The following MDGA2 variants were observed in gnomAD, a reference collection of about 807,000 sequenced individuals.
MDGA2 encodes the protein MAM domain-containing glycosylphosphatidylinositol anchor protein 2.
A neutral mutation model predicts 117.8 loss-of-function variants in MDGA2; 40 were observed. That is an observed-to-expected ratio of 0.34 (90% confidence interval 0.26 to 0.44). The LOEUF (loss-of-function observed/expected upper bound fraction) is 0.44. Ranked by LOEUF, MDGA2 falls within the 20% of genes least tolerant of loss-of-function variation. The probability of loss-of-function intolerance (pLI) is 1.00; values close to 1 mark genes in which losing one functional copy is unlikely to be tolerated. For synonymous variants in MDGA2, 452 were observed against 439.0 expected (o/e 1.03, Z -0.37); for missense variants, 1,123 against 1,250.6 (o/e 0.90, Z 1.54).
intron 1 of MDGA2, among the ~76,000 whole-genome samples, chr14:47,420,601 CAT>C (rs1892558545): frequency 6.6e-6 from 1 of 152,064 alleles, no homozygotes; most frequent in African/African-American, 2.4e-5. Flanking sequence ...AAAATGGACA[CAT>C]GTGGCCAGAT....
At chr14:47,592,177 C>G (rs1396377499) in intron 1 of MDGA2, among the ~76,000 whole-genome samples, 2 of 152,010 alleles carry the variant, frequency 1.3e-5, no homozygotes, top group African/African-American at 2.4e-5. Context: ...AGGAATACAA[C>G]AAACAATGGA....
chr14:47,172,093 G>A (rs904005118), intron 3 of MDGA2, among the ~76,000 whole-genome samples: 1 of 152,158 alleles, frequency 6.6e-6, no homozygotes, highest in East Asian at 1.9e-4. Flanking sequence ...AAGGCTGGGG[G>A]AGGGGCACCC....
At chr14:47,601,786 G>A (rs1315699504) in intron 1 of MDGA2, among the ~76,000 whole-genome samples, 1 of 152,128 alleles carries the variant, frequency 6.6e-6, no homozygotes, top group African/African-American at 2.4e-5. Context: ...GTTTAGATCT[G>A]TTAGCCCAGT....
At chr14:46,967,038 T>G (rs12431795) in intron 8 of MDGA2, among the ~76,000 whole-genome samples, 17,823 of 151,832 alleles carry the variant, frequency 0.12, 2,021 homozygotes, top group African/African-American at 0.27. Flanking sequence ...GCAAAGCAAT[T>G]TTTTTAATTT....
intron 1 of MDGA2, among the ~76,000 whole-genome samples, chr14:47,600,774 T>C (rs1005528362): frequency 4.6e-5 from 7 of 151,120 alleles, no homozygotes; most frequent in Admixed American, 2.0e-4. Context: ...TATCAATCCA[T>C]CCCTACTGCC....
At chr14:47,216,065 A>G (rs1391381067) in intron 3 of MDGA2, among the ~76,000 whole-genome samples, 1 of 152,146 alleles carries the variant, frequency 6.6e-6, no homozygotes, top group South Asian at 2.1e-4. Flanking sequence ...GGTGTGTGAT[A>G]TGAATGAGAT....
intron 10 of MDGA2, among the ~76,000 whole-genome samples, chr14:46,897,712 A>G (rs1009229870): frequency 1.5e-5 from 2 of 137,458 alleles, no homozygotes; most frequent in Non-Finnish European, 3.2e-5. Flanking sequence ...TCCTACTACC[A>G]TTATGACTAA....
intron 1 of MDGA2, among the ~76,000 whole-genome samples, chr14:47,323,149 G>GATATATATATATATATATATAT (rs58765297): frequency 9.3e-6 from 1 of 107,676 alleles, no homozygotes; most frequent in Non-Finnish European, 1.9e-5. Context: ...AAGAGTCATG[G>GATATATATATATATATATATAT]ATATATATAT....
At chr14:46,931,817 C>T (rs566249940) in intron 9 of MDGA2, among the ~76,000 whole-genome samples, 3 of 152,044 alleles carry the variant, frequency 2.0e-5, no homozygotes, top group Non-Finnish European at 4.4e-5. Flanking sequence ...GCCACTGCAC[C>T]CAGCCTACTT....
At chr14:47,513,406 C>T (rs1232420820) in intron 1 of MDGA2, among the ~76,000 whole-genome samples, 1 of 151,932 alleles carries the variant, frequency 6.6e-6, no homozygotes. Flanking sequence ...TGCAAGATCT[C>T]CTGATGTGGA....
chr14:47,301,402 G>T lies in MDGA2; in HGVS notation c.420+9C>A. On this transcript the variant is annotated intron_variant, in intron 2 of 16. Coordinates refer to ENST00000399232, the MANE Select transcript of MDGA2 (RefSeq NM_001113498.3). ...AATGTTTTCTCCAGTGTCACAGTTC[G>T]GGACTCACCTGTGGACGTGGATGTC... The T allele has an allele frequency of 6.4e-7, 1 of 1,551,492 alleles. No individual in the cohort carries two copies. Among genetic ancestry groups the T allele is most frequent in the Non-Finnish European group, 8.7e-7 (1 of 1,146,910 alleles).
chr14:47,180,976 A>C lies in MDGA2; in HGVS notation c.596-36702T>G, dbSNP rs540978763. Among the ~76,000 whole-genome samples, 10 of 152,244 alleles carry C rather than the reference A, an allele frequency of 6.6e-5. No individual in the cohort carries two copies. In the South Asian group the frequency reaches 2.1e-3, roughly 32 times the overall value. On this transcript the variant is annotated intron_variant, in intron 3 of 16. Coordinates refer to ENST00000399232, the MANE Select transcript of MDGA2 (RefSeq NM_001113498.3). Reference sequence around the variant, plus strand: ...AAAAACAAAAACACAGATGCTGGTGAGGTTGCAGAGGAAAACGATCATTTA... The same window carrying C: ...AAAAACAAAAACACAGATGCTGGTGCGGTTGCAGAGGAAAACGATCATTTA...
rs1402155643 is a variant in MDGA2, at chr14:47,004,593, A to G, written c.1819+30418T>C. ...GAATTAACTTGTCAACTTTTGCCAC[A>G]CCAAAATCCAAAAACACAAAGAAAA... On this transcript the variant is annotated intron_variant, in intron 8 of 16. Transcript: ENST00000399232. 2.6e-5 allele frequency among the ~76,000 whole-genome samples: 4 copies of G among 151,788 alleles called. No individual in the cohort carries two copies. The East Asian group carries it at 7.7e-4, about 29-fold the overall frequency.
rs1453514589 is a variant in MDGA2, at chr14:47,415,697, G to T, written c.281-114147C>A. The stretch of plus-strand genomic sequence containing the variant: ...TATATGACTAAATATCCAAAGATTG[G>T]GTTATTTATAAAGAACAACAATTTA... On this transcript the variant is annotated intron_variant, in intron 1 of 16. Coordinates refer to ENST00000399232, the MANE Select transcript of MDGA2 (RefSeq NM_001113498.3). Among the ~76,000 whole-genome samples, 5 of 152,134 alleles carry T rather than the reference G, an allele frequency of 3.3e-5. No individual in the cohort carries two copies. In the East Asian group the frequency reaches 9.7e-4, roughly 29 times the overall value.
At chr14:47,065,081 C>T (rs751788501) in intron 6 of MDGA2, among the ~76,000 whole-genome samples, 7 of 152,042 alleles carry the variant, frequency 4.6e-5, no homozygotes, top group Middle Eastern at 3.2e-3. Context: ...TATCATAAAT[C>T]GTGATAGATG....
chr14:47,548,762 C>T lies in MDGA2; in HGVS notation c.280+125755G>A, dbSNP rs181499371. Among the ~76,000 whole-genome samples the T allele has an allele frequency of 3.5e-3, 534 of 152,082 alleles. 3 individuals carry two copies. The highest frequency in any genetic ancestry group is 0.012 in the African/African-American group (511 of 41,524). On this transcript the variant is annotated intron_variant, in intron 1 of 16. Coordinates refer to ENST00000399232, the MANE Select transcript of MDGA2 (RefSeq NM_001113498.3). ...TGCACACAACCCTGAATGTGGCCAG[C>T]GTGCACATGCCTGCGGCCTTCTAGA...
chr14:46,850,989 T>A (rs1350606058), intron 15 of MDGA2, among the ~76,000 whole-genome samples: 2 of 151,902 alleles, frequency 1.3e-5, no homozygotes, highest in African/African-American at 4.8e-5. Context: ...TAATGTCTAC[T>A]AATGAGGACA....
intron 6 of MDGA2, among the ~76,000 whole-genome samples, chr14:47,066,243 G>A (rs1214387371): frequency 6.6e-6 from 1 of 151,996 alleles, no homozygotes; most frequent in African/African-American, 2.4e-5. Flanking sequence ...TCCTGAATAT[G>A]GTGCATTGTT....
chr14:47,165,537 A>G (rs1378857908), intron 3 of MDGA2, among the ~76,000 whole-genome samples: 4 of 152,120 alleles, frequency 2.6e-5, no homozygotes, highest in Non-Finnish European at 5.9e-5. Context: ...CAGGGGAGGT[A>G]AGGGATAAAG....
Sources: allele counts gnomAD v4.1 joint callset (sites outside exome capture counted in the v4.1 genomes callset), GRCh38; gene constraint gnomAD v4.1.1; transcripts MANE v1.5; gene names NCBI Gene and HGNC (gene_info 2026-07-23, HGNC 2026-07-21).